Variants in ABCA3 observed in about 807,000 individuals in gnomAD.
The protein encoded by ABCA3 is phospholipid-transporting ATPase ABCA3.
ABCA3 carries 88 observed loss-of-function variants against 172.8 expected under a neutral mutation model. The observed-to-expected ratio is 0.51, with a 90% CI of 0.43 to 0.61. The LOEUF is 0.61. Among genes scored for constraint, ABCA3 ranks in the 20% least tolerant of loss-of-function variants. ABCA3 has a pLI of 0.00. For missense variants in ABCA3, 2,164 were observed against 2,301.0 expected, an observed-to-expected ratio of 0.94 and a Z score of 1.22; for synonymous variants, 1,066 against 983.8, an observed-to-expected ratio of 1.08 and a Z score of -1.56.
intron 1 of ABCA3, among the ~76,000 whole-genome samples, chr16:2,332,008 ATGTT>A (rs1307872468): frequency 6.6e-6 from 1 of 152,150 alleles, no homozygotes; most frequent in Non-Finnish European, 1.5e-5. Context: ...GAGTATCTCA[ATGTT>A]TGTTTTTTAG....
Position 2,332,372 on chromosome 16 carries a change from C to T in ABCA3, c.-538-2518G>A, listed in dbSNP as rs1336529538. The T allele has an allele frequency of 3.5e-5, 31 of 881,446 alleles. 1 individual carries two copies. The highest frequency in any genetic ancestry group is 3.2e-4 in the South Asian group (24 of 74,674). The allele number at this position is 881,446 out of a possible 1,614,324, so 54.6% of individuals were successfully genotyped here. A position where few individuals can be genotyped will look rare whatever the true frequency, so the allele number is the denominator to read the frequency against. On this transcript the variant is annotated intron_variant, in intron 1 of 32. Transcript: ENST00000301732. ...CCAGGGCTTCTAAACTTTTTGGACT[C>T]GCAGGGACGGGGATCAGCTACCAGC...
rs192356761 is a variant in ABCA3 at position 2,279,970 on chromosome 16, C to T, written c.4360-840G>A. 4.6e-5 allele frequency among the ~76,000 whole-genome samples: 7 copies of T among 152,330 alleles called. No individual in the cohort carries two copies. Among genetic ancestry groups the T allele is most frequent in the East Asian group, 1.9e-4 (1 of 5,182 alleles). Reference sequence around the variant, plus strand: ...TTTGCCATGTTGGCCAGGCTGGTCTCGAACTCTAGACCTCAAGTGATCTGC... The same window carrying T: ...TTTGCCATGTTGGCCAGGCTGGTCTTGAACTCTAGACCTCAAGTGATCTGC... On this transcript the variant is annotated intron_variant, in intron 28 of 32. Transcript: ENST00000301732. This position sits in a 1 kb window ranked among gnomAD's most constrained non-coding sequence, Gnocchi z 4.4.
chr16:2,304,426 T>G (rs988027359), intron 11 of ABCA3, among the ~76,000 whole-genome samples: 22 of 151,944 alleles, frequency 1.4e-4, no homozygotes, highest in African/African-American at 5.3e-4. Context: ...TGCACATATG[T>G]ACACACGTAC....
At chr16:2,303,555 C>CCA (rs948159083) in intron 12 of ABCA3, among the ~76,000 whole-genome samples, 4 of 152,120 alleles carry the variant, frequency 2.6e-5, no homozygotes, top group South Asian at 2.1e-4. Context: ...CAGGCGTGAG[C>CCA]CACCACGCCT....
chr16:2,306,970 G>A (rs1281172169), intron 11 of ABCA3, among the ~76,000 whole-genome samples: 1 of 141,428 alleles, frequency 7.1e-6, no homozygotes, highest in African/African-American at 2.7e-5. Flanking sequence ...AGCCGAGATT[G>A]CGCCACTGCC....
chr16:2,296,063 G>A (rs2093679309), intron 17 of ABCA3, among the ~76,000 whole-genome samples: 1 of 152,210 alleles, frequency 6.6e-6, no homozygotes, highest in Non-Finnish European at 1.5e-5. Context: ...CACGTGTGAG[G>A]GCTTCTGTCT....
intron 1 of ABCA3, among the ~76,000 whole-genome samples, chr16:2,331,981 A>G (rs1250032085): frequency 6.6e-6 from 1 of 152,158 alleles, no homozygotes; most frequent in Non-Finnish European, 1.5e-5. Context: ...AAAATATTAA[A>G]CATCACACAT....
rs775170914 is a variant in ABCA3, at chr16:2,277,897, C to T, written c.4891G>A (p.Val1631Met). ...QEALEEFKAF[V>M]DLTFPGSVLE... ...CACACACCTGGAAAGGTCAGGTCCA[C>T]GAAGGCCTTGAACTCCTCCAGCGCC... The change falls in exon 31 of 33, where the codon GTG becomes ATG. Residue 1631 changes from valine (V) to methionine (M), a missense_variant. Val to Met is a conservative substitution (Grantham distance 21, BLOSUM62 1). Transcript: ENST00000301732. The surrounding 1 kb of genome is among the most constrained non-coding windows in gnomAD (Gnocchi z 5.3). 17 of 1,609,632 alleles carry T rather than the reference C, an allele frequency of 1.1e-5. No individual in the cohort carries two copies. In the African/African-American group the frequency reaches 1.3e-4, roughly 13 times the overall value.
In ABCA3 at chr16:2,302,968, T is replaced by C. The variant is rs376843790; in HGVS notation, c.1467+1001A>G. ...CCACACCCAGCTAATTTTTTTTTTTTGTATTTCTTTAGTAGAAACAGGGTT... is the reference window on the plus strand; with the variant it reads ...CCACACCCAGCTAATTTTTTTTTTTCGTATTTCTTTAGTAGAAACAGGGTT... On this transcript the variant is annotated intron_variant, in intron 12 of 32. Coordinates refer to ENST00000301732, the MANE Select transcript of ABCA3 (RefSeq NM_001089.3). Among the ~76,000 whole-genome samples, 51 of 151,928 alleles carry C rather than the reference T, an allele frequency of 3.4e-4. No homozygotes were observed. In the East Asian group the frequency reaches 6.4e-3, roughly 19 times the overall value.
chr16:2,317,875 T>C (rs1013720870), intron 8 of ABCA3, 111 bp from the exon 9 acceptor site: 1 of 942,610 alleles, frequency 1.1e-6, no homozygotes, highest in Non-Finnish European at 1.7e-6. Context: ...CAGCCCTGCA[T>C]TCGACAGGGT....
In ABCA3 at chr16:2,277,768, G is replaced by A. The variant is rs755694302; in HGVS notation, c.4910-98C>T. ...ACTGGAGTCCTCGTCCCAGGGATTG[G>A]GGAGATGGGACTTGGCGGGGCGAGG... is the stretch of plus-strand genomic sequence containing the variant. On this transcript the variant is annotated intron_variant, in intron 31 of 32. Transcript: ENST00000301732. This position sits in a 1 kb window ranked among gnomAD's most constrained non-coding sequence, Gnocchi z 5.3. 2.1e-5 allele frequency: 34 copies of A among 1,592,354 alleles called. No homozygotes were observed. The highest frequency in any genetic ancestry group is 2.1e-4 in the Admixed American group (12 of 57,572).
At position 2,323,620 on chromosome 16, in the gene ABCA3, GA is replaced by G; in HGVS notation, c.515del (p.Phe172SerfsTer2). The G allele has an allele frequency of 6.2e-7, 1 of 1,614,160 alleles. No homozygotes were observed. Among genetic ancestry groups the G allele is most frequent in the Non-Finnish European group, 8.5e-7 (1 of 1,180,028 alleles). ...NYMWTQTGSF[F>X]LKETEGWHTT... is the part of the protein sequence containing the mutation. ...TGTGCCAGCCTTCTGTCTCTTTCAG[GA>G]AAAAGGAGCCTGTTTGGGTCCACAT... is the stretch of plus-strand genomic sequence containing the variant. On this transcript the variant is annotated frameshift_variant, in exon 7 of 33. Transcript: ENST00000301732. LOFTEE classifies it high-confidence loss of function.
Position 2,308,571 on chromosome 16 carries a change from G to T in ABCA3, c.1164C>A (p.Pro388=). The T allele has an allele frequency of 6.2e-7, 1 of 1,614,222 alleles. No individual in the cohort carries two copies. The highest frequency in any genetic ancestry group is 8.5e-7 in the Non-Finnish European group (1 of 1,180,042). Residue 388 remains proline (P), a synonymous_variant, in exon 11 of 33, where the codon CCC becomes CCA. Coordinates refer to ENST00000301732, the MANE Select transcript of ABCA3 (RefSeq NM_001089.3). ...TGTACCGAGGGGCCACGAAGAAGTAGGGGATGTAGGTGAAGAAGTAGAGGA... is the reference window on the plus strand; with the variant it reads ...TGTACCGAGGGGCCACGAAGAAGTATGGGATGTAGGTGAAGAAGTAGAGGA... ...GGFLYFFTYI[P]YFFVAPRYNW... is the part of the protein sequence containing the mutation.
rs2093649002 is a variant in ABCA3, at chr16:2,277,886, G to A, written c.4902C>T (p.Thr1634=). The stretch of plus-strand genomic sequence containing the variant: ...GCCGGGGCCGGCACACACCTGGAAA[G>A]GTCAGGTCCACGAAGGCCTTGAACT... ...LEEFKAFVDL[T]FPGSVLEDEH... The change falls in exon 31 of 33, where the codon ACC becomes ACT. Residue 1634 remains threonine (T), a synonymous_variant. Transcript: ENST00000301732. This position sits in a 1 kb window ranked among gnomAD's most constrained non-coding sequence, Gnocchi z 5.3. The A allele has an allele frequency of 6.2e-7, 1 of 1,609,164 alleles. No homozygotes were observed. Among genetic ancestry groups the A allele is most frequent in the Non-Finnish European group, 8.5e-7 (1 of 1,179,954 alleles).
rs45542233 is a variant in ABCA3, at chr16:2,324,204, G to A, written c.447+200C>T. Among the ~76,000 whole-genome samples the A allele has an allele frequency of 3.2e-3, 493 of 152,310 alleles. 3 individuals carry two copies. The highest frequency in any genetic ancestry group is 0.011 in the African/African-American group (461 of 41,574). On this transcript the variant is annotated intron_variant, in intron 6 of 32. Coordinates refer to ENST00000301732, the MANE Select transcript of ABCA3 (RefSeq NM_001089.3). Reference sequence around the variant, plus strand: ...TGCATTTTCTAACCTGTTCTGACCCGTGGGTTTAAATGTCACCAAGATCCC... The same window carrying A: ...TGCATTTTCTAACCTGTTCTGACCCATGGGTTTAAATGTCACCAAGATCCC...
At chr16:2,314,950 T>C (rs1204472357) in intron 10 of ABCA3, among the ~76,000 whole-genome samples, 2 of 144,884 alleles carry the variant, frequency 1.4e-5, no homozygotes, top group African/African-American at 2.6e-5. Context: ...CAACCTCGGC[T>C]CACTGCAACC....
chr16:2,312,269 G>A (rs1038987106), intron 10 of ABCA3, among the ~76,000 whole-genome samples: 10 of 152,088 alleles, frequency 6.6e-5, no homozygotes, highest in African/African-American at 2.4e-4. Flanking sequence ...AACACCCGAG[G>A]GGGAATAACT....
chr16:2,300,282 T>A, intron 12 of ABCA3, 134 bp from the exon 13 acceptor site: 1 of 1,302,626 alleles, frequency 7.7e-7, no homozygotes, highest in South Asian at 1.2e-5. Flanking sequence ...GAGAAGGCGC[T>A]ACTCAGGGAG....
At position 2,324,486 on chromosome 16, in the gene ABCA3, T is replaced by C. The variant is rs757614663; in HGVS notation, c.365A>G (p.Tyr122Cys). The C allele has an allele frequency of 6.2e-7, 1 of 1,610,904 alleles. No homozygotes were observed. The highest frequency in any genetic ancestry group is 8.5e-7 in the Non-Finnish European group (1 of 1,179,924). ...CAGCACGCTGGACGAGCAGTTGTCG[T>C]ACCTAATGTAGTCCTCAAAGTCCTT... ...SEKDFEDYIRYDNCSSSVLAA... is the reference protein window; with the variant it reads ...SEKDFEDYIRCDNCSSSVLAA... Residue 122 changes from tyrosine (Y) to cysteine (C), a missense_variant, in exon 6 of 33, where the codon TAC (tyrosine) becomes TGC (cysteine). Tyr to Cys is a radical substitution (Grantham distance 194). This residue lies in a region of ABCA3 where 1,343 missense variants were observed against 1,369.6 expected (regional missense o/e 0.98). Transcript: ENST00000301732.
Sources: allele counts gnomAD v4.1 joint callset (sites outside exome capture counted in the v4.1 genomes callset), GRCh38; gene constraint gnomAD v4.1.1; regional missense constraint gnomAD v4.1.1; non-coding constraint Gnocchi (gnomAD v3.1); transcripts MANE v1.5; gene names NCBI Gene and HGNC (gene_info 2026-07-23, HGNC 2026-07-21).